TNNI3K: variants seen among roughly 807,000 people sequenced by gnomAD.
TNNI3K encodes serine/threonine-protein kinase TNNI3K.
TNNI3K carries 140 observed loss-of-function variants against 114.5 expected under a neutral mutation model. That is an observed-to-expected ratio of 1.22 (90% CI 1.07 to 1.41). The LOEUF is 1.41. Among genes scored for constraint, TNNI3K ranks in the 40% most tolerant of loss-of-function variants. The pLI is 0.00. For synonymous variants in TNNI3K, 347 were observed against 347.5 expected (o/e 1.00, Z 0.02); for missense variants, 1,125 against 1,007.6 (o/e 1.12, Z -1.58).
At chr1:74,458,695 C>T (rs189239258) in intron 20 of TNNI3K, among the ~76,000 whole-genome samples, 3 of 152,156 alleles carry the variant, frequency 2.0e-5, no homozygotes, top group Admixed American at 1.3e-4. Context: ...GTTACTGAGT[C>T]CTATATACCA....
intron 5 of TNNI3K, among the ~76,000 whole-genome samples, chr1:74,319,571 CTT>C (rs914169366): frequency 6.6e-6 from 1 of 152,160 alleles, no homozygotes; most frequent in Non-Finnish European, 1.5e-5. Flanking sequence ...CCCCAGGAAA[CTT>C]AGCATGATGC....
chr1:74,480,645 G>A (rs778191228), intron 21 of TNNI3K: 2 of 717,190 alleles, frequency 2.8e-6, no homozygotes, highest in Admixed American at 2.0e-5. Context: ...TTCCCATCCA[G>A]CTGGAGCCGG....
In TNNI3K at chr1:74,343,109, G is replaced by C. The variant is rs749356604; in HGVS notation, c.862G>C (p.Glu288Gln). The change falls in exon 9 of 25, where the codon GAA becomes CAA. Residue 288 changes from glutamate (E) to glutamine (Q), a missense_variant. Coordinates refer to ENST00000326637, the MANE Select transcript of TNNI3K (RefSeq NM_015978.3). ...CAATGGCAAATTTGAAGTTGCCAAG[G>C]AAATCATCCAAATATCAGGAACAGA... ...CYNGKFEVAK[E>Q]IIQISGTESL... is the part of the protein sequence containing the mutation. The C allele has an allele frequency of 6.2e-7, 1 of 1,613,404 alleles. No homozygotes were observed.
chr1:74,479,714 A>G (rs909839659), intron 21 of TNNI3K, among the ~76,000 whole-genome samples: 1 of 152,226 alleles, frequency 6.6e-6, no homozygotes, highest in African/African-American at 2.4e-5. Flanking sequence ...GGAGAAGCAC[A>G]CAAATGTAAG....
chr1:74,412,145 T>A (rs1664909583), intron 17 of TNNI3K, among the ~76,000 whole-genome samples: 1 of 152,060 alleles, frequency 6.6e-6, no homozygotes, highest in Non-Finnish European at 1.5e-5. Context: ...GTCATAACAG[T>A]GGGGAGCTGG....
chr1:74,307,654 G>T (rs1432269290), intron 5 of TNNI3K, among the ~76,000 whole-genome samples: 3 of 152,044 alleles, frequency 2.0e-5, no homozygotes, highest in Non-Finnish European at 2.9e-5. Flanking sequence ...ATTACTACTA[G>T]ACCTAAGAAA....
At chr1:74,240,494 A>G (rs924251052) in intron 2 of TNNI3K, 1 of 152,268 alleles carries the variant, frequency 6.6e-6, no homozygotes, top group African/African-American at 2.4e-5. Flanking sequence ...TGATTTACCT[A>G]GGATTGCATC....
chr1:74,451,146 A>G (rs1430053475), intron 20 of TNNI3K, among the ~76,000 whole-genome samples: 1 of 152,206 alleles, frequency 6.6e-6, no homozygotes, highest in Non-Finnish European at 1.5e-5. Context: ...TAACACAGGA[A>G]CAGAAAACCA....
chr1:74,521,834 C>G, intron 23 of TNNI3K, among the ~76,000 whole-genome samples: 1 of 151,964 alleles, frequency 6.6e-6, no homozygotes, highest in Non-Finnish European at 1.5e-5. Flanking sequence ...TGTTTTGATC[C>G]CTGAGAATAA....
At chr1:74,455,445 T>G (rs1667189209) in intron 20 of TNNI3K, among the ~76,000 whole-genome samples, 1 of 152,120 alleles carries the variant, frequency 6.6e-6, no homozygotes, top group African/African-American at 2.4e-5. Context: ...GAACCAGATG[T>G]TGAAAGTCCT....
At chr1:74,435,307 CAAAT>C (rs987187192) in intron 17 of TNNI3K, among the ~76,000 whole-genome samples, 8 of 152,108 alleles carry the variant, frequency 5.3e-5, no homozygotes, top group African/African-American at 1.9e-4. Context: ...GTATAATTAA[CAAAT>C]AAAAGTTATA....
chr1:74,257,638 T>C (rs979881556), intron 4 of TNNI3K, among the ~76,000 whole-genome samples: 1 of 151,576 alleles, frequency 6.6e-6, no homozygotes, highest in African/African-American at 2.4e-5. Flanking sequence ...GTATTTCAGT[T>C]TGAACTTAGC....
At chr1:74,418,586 T>C (rs1013421681) in intron 17 of TNNI3K, among the ~76,000 whole-genome samples, 1 of 152,112 alleles carries the variant, frequency 6.6e-6, no homozygotes, top group Non-Finnish European at 1.5e-5. Flanking sequence ...CAATTTTACA[T>C]AGCAAAGAGC....
chr1:74,451,691 C>CTTTTCTTTTCTTTTCTTTTCTTTTCT (rs1553148035), intron 20 of TNNI3K, among the ~76,000 whole-genome samples: 4 of 32,872 alleles, frequency 1.2e-4, no homozygotes, highest in African/African-American at 3.6e-4. Context: ...TCTTTTCTTT[C>CTTTTCTTTTCTTTTCTTTTCTTTTCT]TTTCTTTCTT....
intron 17 of TNNI3K, among the ~76,000 whole-genome samples, chr1:74,422,907 TCTC>T (rs1162796269): frequency 1.3e-5 from 2 of 152,226 alleles, no homozygotes; most frequent in African/African-American, 4.8e-5. Flanking sequence ...GCATACAAAG[TCTC>T]AGCAGCTATT....
chr1:74,472,538 T>C (rs1447985517), intron 21 of TNNI3K, among the ~76,000 whole-genome samples: 1 of 152,140 alleles, frequency 6.6e-6, no homozygotes, highest in African/African-American at 2.4e-5. Context: ...TAAATGGCTA[T>C]AGTAATTTTT....
At chr1:74,287,311 A>G (rs552014272) in intron 5 of TNNI3K, among the ~76,000 whole-genome samples, 1 of 152,268 alleles carries the variant, frequency 6.6e-6, no homozygotes, top group African/African-American at 2.4e-5. Flanking sequence ...GAAAGATATC[A>G]TGACAGAAAA....
chr1:74,518,298 T>C (rs1321575893), intron 23 of TNNI3K, among the ~76,000 whole-genome samples: 1 of 151,652 alleles, frequency 6.6e-6, no homozygotes, highest in Non-Finnish European at 1.5e-5. Context: ...TTGAAAGGAG[T>C]TCTTCTTTTA....
At chr1:74,269,257 T>C (rs1437132801) in intron 4 of TNNI3K, among the ~76,000 whole-genome samples, 1 of 151,924 alleles carries the variant, frequency 6.6e-6, no homozygotes, top group Non-Finnish European at 1.5e-5. Context: ...CTTATTTGTT[T>C]ACTTTTTGTC....
Sources: allele counts gnomAD v4.1 joint callset (sites outside exome capture counted in the v4.1 genomes callset), GRCh38; gene constraint gnomAD v4.1.1; transcripts MANE v1.5; gene names NCBI Gene and HGNC (gene_info 2026-07-23, HGNC 2026-07-21).